The following EXOC6B variants were observed in gnomAD, a reference collection of about 807,000 sequenced individuals.
EXOC6B encodes the protein exocyst complex component 6B, also known as SEC15 homolog B.
EXOC6B carries 54 observed loss-of-function variants against 113.5 expected under a neutral mutation model. The observed-to-expected ratio is 0.48, with a 90% CI of 0.38 to 0.60. EXOC6B has a LOEUF of 0.60. Ranked by LOEUF, EXOC6B falls within the 20% of genes least tolerant of loss-of-function variation. The pLI, the probability that EXOC6B is intolerant of heterozygous loss-of-function variation, is 0.00. For synonymous variants in EXOC6B, 357 were observed against 339.0 expected (o/e 1.05, Z -0.58); for missense variants, 797 against 977.5 (o/e 0.82, Z 2.46).
At chr2:72,216,217 AC>A (rs1409336489) in intron 20 of EXOC6B, among the ~76,000 whole-genome samples, 1 of 152,198 alleles carries the variant, frequency 6.6e-6, no homozygotes, top group Non-Finnish European at 1.5e-5. Context: ...AAGACTTAAA[AC>A]AAGAATGTCT....
chr2:72,388,579 G>C lies in EXOC6B; in HGVS notation c.1981-8709C>G, dbSNP rs1048163461. Among the ~76,000 whole-genome samples, 7 of 152,148 alleles carry C rather than the reference G, an allele frequency of 4.6e-5. No individual in the cohort carries two copies. The East Asian group carries it at 1.4e-3, about 29-fold the overall frequency. Reference sequence around the variant, plus strand: ...TAAGTCAAGTTGTATGATAATTGTTGTTCAAGTCTTCTATAGCTTTACTGA... The same window carrying C: ...TAAGTCAAGTTGTATGATAATTGTTCTTCAAGTCTTCTATAGCTTTACTGA... On this transcript the variant is annotated intron_variant, in intron 18 of 21. Transcript: ENST00000272427.
intron 8 of EXOC6B, among the ~76,000 whole-genome samples, chr2:72,546,156 A>C (rs938089069): frequency 1.3e-5 from 2 of 152,206 alleles, no homozygotes; most frequent in Admixed American, 6.5e-5. Context: ...AAGGGACTAT[A>C]AAGAGATTAT....
chr2:72,335,049 G>A (rs760093971), intron 19 of EXOC6B, 29 bp from the exon 20 acceptor site: 48 of 1,601,154 alleles, frequency 3.0e-5, no homozygotes, highest in Middle Eastern at 1.7e-4. Context: ...GATAAAAAGC[G>A]CCTTTAACTA....
At chr2:72,637,863 T>C (rs975529521) in intron 6 of EXOC6B, among the ~76,000 whole-genome samples, 1 of 148,984 alleles carries the variant, frequency 6.7e-6, no homozygotes. Context: ...ACAGCGAAAG[T>C]AGTACTAAGC....
At position 72,717,961 on chromosome 2, in the gene EXOC6B, T is replaced by C. The variant is rs564646121; in HGVS notation, c.669+142A>G. On this transcript the variant is annotated intron_variant, in intron 6 of 21. Transcript: ENST00000272427. ...AAAAATGAAAACATTTTTAATCATATGTTTCCATAAATATGAAGGACTTCC... is the reference window on the plus strand; with the variant it reads ...AAAAATGAAAACATTTTTAATCATACGTTTCCATAAATATGAAGGACTTCC... The C allele has an allele frequency of 1.5e-4, 88 of 586,196 alleles. 2 individuals are homozygous for C. The highest frequency in any genetic ancestry group is 1.3e-3 in the African/African-American group (70 of 53,836). The allele number at this position is 586,196 out of a possible 1,614,324, so 36.3% of individuals were successfully genotyped here.
chr2:72,185,847 C>A (rs1196006516), intron 20 of EXOC6B, among the ~76,000 whole-genome samples: 1 of 151,530 alleles, frequency 6.6e-6, no homozygotes, highest in Non-Finnish European at 1.5e-5. Flanking sequence ...CACCCATTAA[C>A]TCGTCATTTA....
chr2:72,707,180 T>C (rs1678939562), intron 6 of EXOC6B, among the ~76,000 whole-genome samples: 1 of 152,142 alleles, frequency 6.6e-6, no homozygotes. Context: ...AAATCATTGG[T>C]GTTTTTAGCT....
At chr2:72,570,923 C>T (rs1398832481) in intron 7 of EXOC6B, among the ~76,000 whole-genome samples, 1 of 152,130 alleles carries the variant, frequency 6.6e-6, no homozygotes, top group Non-Finnish European at 1.5e-5. Context: ...CTATTATATA[C>T]TGATAGTCCT....
chr2:72,729,035 G>A (rs1288784948), intron 5 of EXOC6B, among the ~76,000 whole-genome samples: 2 of 152,092 alleles, frequency 1.3e-5, no homozygotes, highest in Non-Finnish European at 2.9e-5. Flanking sequence ...CAAGAGTAAT[G>A]CCTAGCGCAT....
chr2:72,659,205 A>G (rs943294107), intron 6 of EXOC6B, among the ~76,000 whole-genome samples: 1 of 152,140 alleles, frequency 6.6e-6, no homozygotes, highest in East Asian at 1.9e-4. Flanking sequence ...CTAAAATGAG[A>G]TATTATACTC....
chr2:72,620,805 A>C (rs1671698093), intron 6 of EXOC6B, among the ~76,000 whole-genome samples: 2 of 152,122 alleles, frequency 1.3e-5, no homozygotes, highest in Non-Finnish European at 2.9e-5. Context: ...CAAATCAACA[A>C]GCAAAAGACA....
chr2:72,469,906 A>G (rs968360150), intron 17 of EXOC6B, among the ~76,000 whole-genome samples: 2 of 152,146 alleles, frequency 1.3e-5, no homozygotes, highest in African/African-American at 4.8e-5. Flanking sequence ...ATCTTTCAAA[A>G]TACTCATATT....
chr2:72,514,808 T>A, intron 9 of EXOC6B, 128 bp from the exon 10 acceptor site: 1 of 640,410 alleles, frequency 1.6e-6, no homozygotes, highest in South Asian at 2.3e-5. Flanking sequence ...AAAATAATAA[T>A]ATTATCTACC....
At position 72,535,472 on chromosome 2, in the gene EXOC6B, T is replaced by C. The variant is rs184950059; in HGVS notation, c.916-20346A>G. Among the ~76,000 whole-genome samples, 39 of 152,274 alleles carry C rather than the reference T, an allele frequency of 2.6e-4. No individual in the cohort carries two copies. The East Asian group carries it at 6.6e-3, about 26-fold the overall frequency. On this transcript the variant is annotated intron_variant, in intron 8 of 21. Transcript: ENST00000272427. The stretch of plus-strand genomic sequence containing the variant: ...AGCACCAAAGTCTTTTCATATTGGT[T>C]CTCTAAAATGGGTAAGGAAAACCAC...
intron 6 of EXOC6B, among the ~76,000 whole-genome samples, chr2:72,686,396 T>C (rs1338029599): frequency 6.6e-6 from 1 of 152,086 alleles, no homozygotes; most frequent in African/African-American, 2.4e-5. Flanking sequence ...TACCATGGGG[T>C]AGAGAAAGAG....
At chr2:72,204,632 T>G (rs1679717653) in intron 20 of EXOC6B, among the ~76,000 whole-genome samples, 1 of 152,084 alleles carries the variant, frequency 6.6e-6, no homozygotes, top group Non-Finnish European at 1.5e-5. Flanking sequence ...GAATGAACTT[T>G]CAGATTATCT....
intron 20 of EXOC6B, among the ~76,000 whole-genome samples, chr2:72,220,564 T>G (rs1680803661): frequency 6.6e-6 from 1 of 152,214 alleles, no homozygotes; most frequent in Admixed American, 6.5e-5. Context: ...TCTAGGCTTG[T>G]ATTTCGGATC....
chr2:72,193,239 A>C (rs1678964799), intron 20 of EXOC6B, among the ~76,000 whole-genome samples: 1 of 152,194 alleles, frequency 6.6e-6, no homozygotes, highest in South Asian at 2.1e-4. Context: ...GAATCATAAT[A>C]GCTTCTATCA....
intron 1 of EXOC6B, among the ~76,000 whole-genome samples, chr2:72,822,856 G>A (rs946365798): frequency 6.6e-6 from 1 of 152,162 alleles, no homozygotes; most frequent in Non-Finnish European, 1.5e-5. Context: ...GTTTACAACT[G>A]AGAGTAGTTA....
Sources: allele counts gnomAD v4.1 joint callset (sites outside exome capture counted in the v4.1 genomes callset), GRCh38; gene constraint gnomAD v4.1.1; transcripts MANE v1.5; gene names NCBI Gene and HGNC (gene_info 2026-07-23, HGNC 2026-07-21).